Variants in GNB1L observed in about 807,000 individuals in gnomAD.
GNB1L encodes guanine nucleotide-binding protein subunit beta-like protein 1.
Under a neutral mutation model 29.1 loss-of-function variants are expected in GNB1L, and 20 were observed. The observed-to-expected ratio is 0.69, with a 90% confidence interval of 0.48 to 1.00. The LOEUF (loss-of-function observed/expected upper bound fraction) is 1.00. Among genes scored for constraint, GNB1L ranks in the 50% least tolerant of loss-of-function variants. The probability of loss-of-function intolerance (pLI) is 0.00; values close to 1 mark genes in which losing one functional copy is unlikely to be tolerated. For synonymous variants in GNB1L, 193 were observed against 206.5 expected (o/e 0.93, Z 0.56); for missense variants, 421 against 464.9 (o/e 0.91, Z 0.87).
intron 6 of GNB1L, 84 bp from the exon 7 acceptor site, chr22:19,802,300 T>C: frequency 9.3e-7 from 1 of 1,078,720 alleles, no homozygotes. Context: ...TGGAAATTCC[T>C]GCCCCTCCTG....
At chr22:19,832,579 G>A (rs981563933) in intron 2 of GNB1L, among the ~76,000 whole-genome samples, 2 of 152,142 alleles carry the variant, frequency 1.3e-5, no homozygotes, top group South Asian at 2.1e-4. Context: ...AAAAAGGTGC[G>A]CTACGGCCCC....
At position 19,783,497 on chromosome 22, in the gene GNB1L, C is replaced by A; in HGVS notation, c.*5212G>T. 4.0e-6 allele frequency: 1 copy of A among 251,256 alleles called. No individual in the cohort carries two copies. Among genetic ancestry groups the A allele is most frequent in the Non-Finnish European group, 7.9e-6 (1 of 126,574 alleles). 15.6% of individuals were successfully genotyped at this position (251,256 alleles called of 1,614,324 possible). A position where few individuals can be genotyped will look rare whatever the true frequency, so the allele number is the denominator to read the frequency against. On this transcript the variant is annotated 3_prime_UTR_variant, in exon 8 of 8. Coordinates refer to ENST00000329517, the MANE Select transcript of GNB1L (RefSeq NM_053004.3). ...CCTATTAGTTGGAGGCTGCAGTAAG[C>A]TATGATCATGCCACTGCACTCCAGC...
intron 2 of GNB1L, chr22:19,852,253 A>G (rs1230996689): frequency 6.2e-7 from 1 of 1,604,140 alleles, no homozygotes; most frequent in East Asian, 2.2e-5. Context: ...GGCACCGGCC[A>G]CGAGGCATGC....
chr22:19,812,807 A>G (rs1198604097), intron 4 of GNB1L, among the ~76,000 whole-genome samples: 2 of 152,212 alleles, frequency 1.3e-5, no homozygotes, highest in African/African-American at 4.8e-5. Flanking sequence ...GATCCCAGGA[A>G]GGACTGCAGA....
intron 7 of GNB1L, chr22:19,792,469 G>C: frequency 6.3e-7 from 1 of 1,580,246 alleles, no homozygotes; most frequent in Non-Finnish European, 8.6e-7. Flanking sequence ...AAATGGCCCC[G>C]CTATATCAGG....
At chr22:19,831,479 CAGG>C (rs1278707613) in intron 2 of GNB1L, among the ~76,000 whole-genome samples, 2 of 151,516 alleles carry the variant, frequency 1.3e-5, no homozygotes, top group African/African-American at 4.8e-5. Context: ...ATCACAAGGT[CAGG>C]AGATCGAGAT....
intron 5 of GNB1L, among the ~76,000 whole-genome samples, chr22:19,810,890 AG>A (rs957850700): frequency 2.3e-4 from 35 of 152,196 alleles, no homozygotes; most frequent in African/African-American, 8.2e-4. Context: ...GAAAGCTAGG[AG>A]GAGGGTTAGA....
intron 2 of GNB1L, chr22:19,851,246 TC>T: frequency 6.2e-7 from 1 of 1,605,704 alleles, no homozygotes; most frequent in Middle Eastern, 1.7e-4. Context: ...TAAGGACACC[TC>T]CTGGTCTCCC....
chr22:19,806,864 C>T, intron 5 of GNB1L, 107 bp from the exon 6 acceptor site: 1 of 833,834 alleles, frequency 1.2e-6, no homozygotes, highest in Non-Finnish European at 2.0e-6. Flanking sequence ...GAGTTTCTGT[C>T]TGCTCCCCTC....
chr22:19,843,421 T>G (rs1318508407), intron 2 of GNB1L, among the ~76,000 whole-genome samples: 2 of 152,126 alleles, frequency 1.3e-5, no homozygotes, highest in Admixed American at 1.3e-4. Context: ...GGAGGGCCGG[T>G]GCCCAGCAGC....
chr22:19,842,662 A>G (rs897077010), intron 2 of GNB1L, among the ~76,000 whole-genome samples: 1 of 152,258 alleles, frequency 6.6e-6, no homozygotes, highest in Non-Finnish European at 1.5e-5. Context: ...GAGCCTGCTC[A>G]GATGGTGAGG....
Position 19,851,357 on chromosome 22 carries a change from C to G in GNB1L, c.-21+3086G>C, listed in dbSNP as rs537083361. On this transcript the variant is annotated intron_variant, in intron 2 of 7. Transcript: ENST00000329517. The stretch of plus-strand genomic sequence containing the variant: ...AGGAGGATTAGCTGACTCCGACAGT[C>G]TAGGGACAGGTGTGGGGGCTGCCTC... 2.0e-5 allele frequency: 33 copies of G among 1,614,136 alleles called. No individual in the cohort carries two copies. In the South Asian group the frequency reaches 3.6e-4, roughly 18 times the overall value.
At chr22:19,849,081 G>A (rs1381544250) in intron 2 of GNB1L, 8 of 985,342 alleles carry the variant, frequency 8.1e-6, no homozygotes, top group Non-Finnish European at 8.4e-6. Context: ...TGGCACAGAA[G>A]CATGGGGCTG....
At chr22:19,846,342 C>T in intron 2 of GNB1L, 1 of 831,792 alleles carries the variant, frequency 1.2e-6, no homozygotes, top group Non-Finnish European at 1.5e-6. Context: ...GCCTTTGTAC[C>T]CCCCAGGTAG....
intron 2 of GNB1L, among the ~76,000 whole-genome samples, chr22:19,834,368 A>G (rs1010786838): frequency 6.6e-6 from 1 of 152,224 alleles, no homozygotes; most frequent in Non-Finnish European, 1.5e-5. Context: ...TTTCTTGCCT[A>G]CAGATCTGCA....
intron 5 of GNB1L, among the ~76,000 whole-genome samples, chr22:19,808,784 C>G (rs1171895209): frequency 6.6e-6 from 1 of 152,208 alleles, no homozygotes; most frequent in East Asian, 1.9e-4. Context: ...ACCAGGGCGG[C>G]CTGCAAGGAC....
intron 7 of GNB1L, among the ~76,000 whole-genome samples, chr22:19,801,000 G>T (rs1169801153): frequency 6.6e-6 from 1 of 152,210 alleles, no homozygotes; most frequent in Non-Finnish European, 1.5e-5. Flanking sequence ...AGTCTGCCCT[G>T]CCTGGGGGGC....
chr22:19,795,410 C>T (rs756887848), intron 7 of GNB1L, among the ~76,000 whole-genome samples: 2 of 152,140 alleles, frequency 1.3e-5, no homozygotes, highest in Non-Finnish European at 2.9e-5. Context: ...CGTCCACTGA[C>T]CTGGGTCAGG....
chr22:19,801,070 A>G (rs1336040552), intron 7 of GNB1L, among the ~76,000 whole-genome samples: 1 of 152,172 alleles, frequency 6.6e-6, no homozygotes. Flanking sequence ...ACAGCCCTAC[A>G]GAGAAGGGCA....
Sources: gnomAD v4.1 joint callset for allele counts (sites outside exome capture counted in the v4.1 genomes callset) on GRCh38, gnomAD v4.1.1 for gene constraint, MANE v1.5 for transcripts, NCBI Gene and HGNC (gene_info 2026-07-23, HGNC 2026-07-21) for gene names.